The following BCAP29 variants were observed in gnomAD, a reference collection of about 807,000 sequenced individuals.
BCAP29 encodes the protein B-cell receptor-associated protein 29.
In BCAP29, 34 loss-of-function variants were observed where a neutral mutation model predicts 31.8. The observed-to-expected ratio is 1.07, with a 90% confidence interval of 0.81 to 1.42. The LOEUF is 1.42. Among genes scored for constraint, BCAP29 ranks in the 40% most tolerant of loss-of-function variants. The probability of loss-of-function intolerance (pLI) is 0.00; values close to 1 mark genes in which losing one functional copy is unlikely to be tolerated. For missense variants in BCAP29, 314 were observed against 269.2 expected (o/e 1.17, Z -1.16); for synonymous variants, 104 against 91.3 (o/e 1.14, Z -0.79).
intron 4 of BCAP29, 130 bp downstream of exon 4, chr7:107,594,235 C>A: frequency 1.2e-6 from 1 of 820,646 alleles, no homozygotes. Flanking sequence ...GTTGCCCAGG[C>A]TGCAGTGCAG....
intron 4 of BCAP29, among the ~76,000 whole-genome samples, chr7:107,595,008 C>G (rs1002875469): frequency 6.6e-6 from 1 of 152,148 alleles, no homozygotes; most frequent in African/African-American, 2.4e-5. Context: ...TTCATTCATT[C>G]CATCTTGCAA....
chr7:107,593,905 G>A (rs774254156), intron 3 of BCAP29, 50 bp from the exon 4 acceptor site: 2 of 1,534,060 alleles, frequency 1.3e-6, no homozygotes, highest in Middle Eastern at 3.5e-4. Context: ...TTTTTAACAA[G>A]CTTATATTCG....
At chr7:107,604,880 A>G (rs1811811905) in intron 6 of BCAP29, among the ~76,000 whole-genome samples, 1 of 151,872 alleles carries the variant, frequency 6.6e-6, no homozygotes, top group African/African-American at 2.4e-5. Flanking sequence ...TAGGCAATAT[A>G]TAATTAATAG....
chr7:107,603,840 C>G (rs1238011622), intron 6 of BCAP29, among the ~76,000 whole-genome samples: 1 of 151,924 alleles, frequency 6.6e-6, no homozygotes, highest in Admixed American at 6.6e-5. Context: ...CTTCTGGCTT[C>G]AAGCCCTTCC....
chr7:107,587,437 A>G (rs1253762096), intron 3 of BCAP29: 1 of 152,190 alleles, frequency 6.6e-6, no homozygotes, highest in African/African-American at 2.4e-5. Context: ...ATTCAGGAGT[A>G]TTATTCCCAT....
chr7:107,604,206 G>C (rs1811672657), intron 6 of BCAP29, among the ~76,000 whole-genome samples: 1 of 152,016 alleles, frequency 6.6e-6, no homozygotes, highest in Non-Finnish European at 1.5e-5. Context: ...ATATCACCTT[G>C]ACTTACGTTG....
chr7:107,583,083 T>A (rs1217739736), intron 2 of BCAP29, among the ~76,000 whole-genome samples: 2 of 152,148 alleles, frequency 1.3e-5, no homozygotes, highest in Non-Finnish European at 2.9e-5. Flanking sequence ...TTACTACATT[T>A]TTCTGCCTCC....
At chr7:107,610,922 A>G (rs925745039) in intron 6 of BCAP29, among the ~76,000 whole-genome samples, 1 of 152,204 alleles carries the variant, frequency 6.6e-6, no homozygotes, top group African/African-American at 2.4e-5. Flanking sequence ...CTGTCTTAAT[A>G]GAAAGTACTC....
Position 107,613,398 on chromosome 7 carries a change from A to G in BCAP29, c.656A>G (p.Tyr219Cys). 2 of 1,612,802 alleles carry G rather than the reference A, an allele frequency of 1.2e-6. No homozygotes were observed. Among genetic ancestry groups the G allele is most frequent in the Non-Finnish European group, 1.7e-6 (2 of 1,178,926 alleles). Residue 219 changes from tyrosine (Y) to cysteine (C), a missense_variant, in exon 7 of 8, where the codon TAT (tyrosine) becomes TGT (cysteine). Physicochemically the swap from Tyr to Cys is radical, Grantham distance 194. Transcript: ENST00000005259. The part of the protein sequence containing the change: ...KMQSERLSKE[Y>C]DQLLKEHSEL... ...CAGTCAGAGAGACTTTCGAAAGAAT[A>G]TGATCAACTCCTGAAAGAACACTCT...
At chr7:107,597,364 C>T (rs953657861) in intron 5 of BCAP29, among the ~76,000 whole-genome samples, 1 of 152,082 alleles carries the variant, frequency 6.6e-6, no homozygotes, top group African/African-American at 2.4e-5. Context: ...GCAAGAGTTA[C>T]CGCGCCCAGC....
intron 5 of BCAP29, among the ~76,000 whole-genome samples, chr7:107,599,246 AAT>A (rs1236712241): frequency 2.4e-5 from 3 of 127,544 alleles, no homozygotes; most frequent in African/African-American, 9.4e-5. Flanking sequence ...TTTATATATA[AAT>A]ATATATAATT....
chr7:107,588,212 C>T (rs1239066107), intron 3 of BCAP29, among the ~76,000 whole-genome samples: 2 of 152,022 alleles, frequency 1.3e-5, no homozygotes, highest in East Asian at 1.9e-4. Context: ...GAAACTAAGA[C>T]TTTCAGGAAT....
chr7:107,607,033 G>T (rs1438371743), intron 6 of BCAP29, among the ~76,000 whole-genome samples: 1 of 152,228 alleles, frequency 6.6e-6, no homozygotes, highest in Non-Finnish European at 1.5e-5. Context: ...TGTCCTCTGA[G>T]GCCGGGCGCA....
intron 2 of BCAP29, among the ~76,000 whole-genome samples, chr7:107,582,234 T>A (rs1454532745): frequency 6.6e-6 from 1 of 152,252 alleles, no homozygotes; most frequent in Non-Finnish European, 1.5e-5. Flanking sequence ...CTGTAACTTA[T>A]GGATCAATAT....
At position 107,619,107 on chromosome 7, in the gene BCAP29, G is replaced by A. The variant is rs1188240670; in HGVS notation, c.*744G>A. 3 of 152,430 alleles carry A rather than the reference G, an allele frequency of 2.0e-5. No individual in the cohort carries two copies. The highest frequency in any genetic ancestry group is 4.4e-5 in the Non-Finnish European group (3 of 67,954). 9.4% of individuals were successfully genotyped at this position (152,430 alleles called of 1,614,324 possible). A position where few individuals can be genotyped will look rare whatever the true frequency, so the allele number is the denominator to read the frequency against. On this transcript the variant is annotated 3_prime_UTR_variant, in exon 8 of 8. Coordinates refer to ENST00000005259, the MANE Select transcript of BCAP29 (RefSeq NM_018844.4). The stretch of plus-strand genomic sequence containing the variant: ...ACTGAACTGAATTTATTTTACAACA[G>A]TGTAGAATTCTTGAAAAGTTAACGT...
intron 1 of BCAP29, 184 bp downstream of exon 1, chr7:107,580,485 T>G: frequency 5.9e-6 from 2 of 336,768 alleles, no homozygotes; most frequent in Non-Finnish European, 1.1e-5. Flanking sequence ...CGGGCGTTGG[T>G]GGAGGGAGGC....
intron 3 of BCAP29, 34 bp from the exon 4 acceptor site, chr7:107,593,921 G>A: frequency 6.4e-7 from 1 of 1,551,140 alleles, no homozygotes; most frequent in Non-Finnish European, 8.7e-7. Flanking sequence ...ATTCGTAAAA[G>A]CCAAAAGTAC....
In BCAP29 at chr7:107,618,493, G is replaced by T. The variant is rs574596588; in HGVS notation, c.*130G>T. 1 of 1,612,280 alleles carries T rather than the reference G, an allele frequency of 6.2e-7. No individual in the cohort carries two copies. The highest frequency in any genetic ancestry group is 1.7e-5 in the Admixed American group (1 of 59,964). On this transcript the variant is annotated 3_prime_UTR_variant, in exon 8 of 8. Transcript: ENST00000005259. ...ATTTTTTTAATGCCACACATAGGTT[G>T]TATTGTAATGGCATTATCAAAATAT...
At position 107,593,981 on chromosome 7, in the gene BCAP29, T is replaced by C; in HGVS notation, c.220T>C (p.Ser74Pro). The C allele has an allele frequency of 6.2e-7, 1 of 1,611,466 alleles. No homozygotes were observed. Among genetic ancestry groups the C allele is most frequent in the Non-Finnish European group, 8.5e-7 (1 of 1,179,158 alleles). The change falls in exon 4 of 8, where the codon TCC (serine) becomes CCC (proline). Residue 74 changes from serine (S) to proline (P), a missense_variant. Ser to Pro is a moderately conservative substitution (Grantham distance 74). Coordinates refer to ENST00000005259, the MANE Select transcript of BCAP29 (RefSeq NM_018844.4). ...TGCTGTGAGAGAAGTAAGGAAATATTCCTCAGTTCATACCATTGAGAAGAG... is the reference window on the plus strand; with the variant it reads ...TGCTGTGAGAGAAGTAAGGAAATATCCCTCAGTTCATACCATTGAGAAGAG... ...LDAVREVRKY[S>P]SVHTIEKSST...
Sources: allele counts gnomAD v4.1 joint callset (sites outside exome capture counted in the v4.1 genomes callset), GRCh38; gene constraint gnomAD v4.1.1; transcripts MANE v1.5; gene names NCBI Gene and HGNC (gene_info 2026-07-23, HGNC 2026-07-21).